The following ITGAE variants were observed in gnomAD, a reference collection of about 807,000 sequenced individuals.
ITGAE encodes the protein integrin subunit alpha E.
In ITGAE, 99 loss-of-function variants were observed where a neutral mutation model predicts 136.5. That is an observed-to-expected ratio of 0.73 (90% CI 0.62 to 0.86). The LOEUF (loss-of-function observed/expected upper bound fraction) is 0.86. Ranked by LOEUF, ITGAE falls within the 40% of genes least tolerant of loss-of-function variation. The probability of loss-of-function intolerance (pLI) is 0.00; values close to 1 mark genes in which losing one functional copy is unlikely to be tolerated. For missense variants in ITGAE, 1,447 were observed against 1,515.3 expected (o/e 0.95, Z 0.75); for synonymous variants, 613 against 591.8 (o/e 1.04, Z -0.52).
intron 23 of ITGAE, chr17:3,730,458 T>TAAAATAAAAAAATAAAA (rs1597308224): frequency 1.1e-5 from 1 of 94,538 alleles, no homozygotes; most frequent in African/African-American, 2.7e-5. Context: ...TCTCAAAAAA[T>TAAAATAAAAAAATAAAA]AAATAAATAA....
At chr17:3,784,092 C>CT (rs1481610503) in intron 1 of ITGAE, among the ~76,000 whole-genome samples, 1 of 152,016 alleles carries the variant, frequency 6.6e-6, no homozygotes, top group Non-Finnish European at 1.5e-5. Flanking sequence ...AACCCCGTCT[C>CT]TACTAAAAAT....
intron 1 of ITGAE, among the ~76,000 whole-genome samples, chr17:3,790,669 C>T (rs956323836): frequency 6.6e-6 from 1 of 152,112 alleles, no homozygotes; most frequent in African/African-American, 2.4e-5. Flanking sequence ...AGACAAATCA[C>T]ACCAAGAGGA....
At chr17:3,800,575 C>G (rs2053231540) in intron 1 of ITGAE, among the ~76,000 whole-genome samples, 1 of 152,294 alleles carries the variant, frequency 6.6e-6, no homozygotes, top group Non-Finnish European at 1.5e-5. Context: ...CTCCCCCCAC[C>G]CCACATTCCA....
intron 1 of ITGAE, among the ~76,000 whole-genome samples, chr17:3,784,784 G>C (rs1466665632): frequency 6.6e-6 from 1 of 152,176 alleles, no homozygotes; most frequent in Non-Finnish European, 1.5e-5. Context: ...TCAATGAATT[G>C]AAATAACTCA....
intron 1 of ITGAE, among the ~76,000 whole-genome samples, chr17:3,790,468 C>T (rs1447049415): frequency 1.3e-5 from 2 of 151,914 alleles, no homozygotes; most frequent in African/African-American, 2.4e-5. Flanking sequence ...GATCGCACCA[C>T]TGCACTCCAG....
chr17:3,741,278 G>A (rs1287248011), intron 19 of ITGAE, among the ~76,000 whole-genome samples: 1 of 150,264 alleles, frequency 6.7e-6, no homozygotes, highest in South Asian at 2.1e-4. Flanking sequence ...TAGTAGAGAC[G>A]GGGTTTCACT....
chr17:3,729,446 C>A, intron 24 of ITGAE, 32 bp downstream of exon 24: 1 of 1,417,404 alleles, frequency 7.1e-7, no homozygotes, highest in South Asian at 1.2e-5. Flanking sequence ...GCGATGGAGT[C>A]ACACCGCTGC....
At chr17:3,729,861 C>G (rs1384272803) in intron 23 of ITGAE, among the ~76,000 whole-genome samples, 1 of 152,186 alleles carries the variant, frequency 6.6e-6, no homozygotes, top group Non-Finnish European at 1.5e-5. Context: ...TCCCAAAGTG[C>G]TGGGATTACA....
chr17:3,723,900 G>A, intron 26 of ITGAE, 156 bp from the exon 27 acceptor site: 2 of 1,532,164 alleles, frequency 1.3e-6, no homozygotes, highest in Non-Finnish European at 1.8e-6. Context: ...GAAGTCTCGC[G>A]ATGTTTGCGT....
chr17:3,753,971 C>G (rs375030426), intron 12 of ITGAE, 46 bp from the exon 13 acceptor site: 2 of 1,592,274 alleles, frequency 1.3e-6, no homozygotes, highest in Non-Finnish European at 1.7e-6. Flanking sequence ...GTGCTCCCAC[C>G]TGGCCTCTCT....
Position 3,745,769 on chromosome 17 carries a change from C to T in ITGAE, c.2314G>A (p.Gly772Arg), listed in dbSNP as rs111682570. 15 of 1,613,940 alleles carry T rather than the reference C, an allele frequency of 9.3e-6. No individual in the cohort carries two copies. Among genetic ancestry groups the T allele is most frequent in the African/African-American group, 5.3e-5 (4 of 75,058 alleles). Residue 772 changes from glycine (G) to arginine (R), a missense_variant, in exon 18 of 31, where the codon GGA becomes AGA. Gly to Arg is a moderately radical substitution (Grantham distance 125, BLOSUM62 -2). Coordinates refer to ENST00000263087, the MANE Select transcript of ITGAE (RefSeq NM_002208.5). Reference protein sequence around the residue: ...CEDLLLMPTEGELCEEDCFSN... With the variant: ...CEDLLLMPTERELCEEDCFSN... ...ATCCAAACTCCGTCACTTACCTCTC[C>T]CTCTGTGGGCATGAGCAGGAGGTCC...
chr17:3,794,714 G>A (rs550780863), intron 1 of ITGAE, among the ~76,000 whole-genome samples: 8 of 152,268 alleles, frequency 5.3e-5, no homozygotes, highest in South Asian at 2.1e-4. Context: ...CCCACGTCAC[G>A]TTGAGCCCTG....
In ITGAE at chr17:3,763,864, C is replaced by T. The variant is rs200634058; in HGVS notation, c.247+5G>A. ...GAGCATTCCCTGGAGTTGGGGCTGACTTACCTACAGGATGGCAAAGGATTT... is the reference window on the plus strand; with the variant it reads ...GAGCATTCCCTGGAGTTGGGGCTGATTTACCTACAGGATGGCAAAGGATTT... On this transcript the variant is annotated splice_donor_5th_base_variant and intron_variant, in intron 3 of 30. Transcript: ENST00000263087. The T allele has an allele frequency of 4.3e-6, 7 of 1,612,308 alleles. No homozygotes were observed. The highest frequency in any genetic ancestry group is 5.1e-6 in the Non-Finnish European group (6 of 1,178,550).
intron 1 of ITGAE, among the ~76,000 whole-genome samples, chr17:3,783,226 T>C (rs1172876765): frequency 6.6e-6 from 1 of 152,208 alleles, no homozygotes; most frequent in Non-Finnish European, 1.5e-5. Context: ...CCGCAACCTC[T>C]GGCTCTTGGG....
chr17:3,737,660 C>T (rs1003145592), intron 20 of ITGAE, among the ~76,000 whole-genome samples: 1 of 152,146 alleles, frequency 6.6e-6, no homozygotes, highest in African/African-American at 2.4e-5. Context: ...ACAGCGTTGC[C>T]TAATCTGAGG....
chr17:3,724,364 C>G (rs1198228428), intron 26 of ITGAE: 1 of 1,603,192 alleles, frequency 6.2e-7, no homozygotes. Context: ...GCCGCGACTC[C>G]GGCCGCCTCA....
chr17:3,733,562 A>G (rs2051394421), intron 21 of ITGAE, among the ~76,000 whole-genome samples: 1 of 152,162 alleles, frequency 6.6e-6, no homozygotes, highest in African/African-American at 2.4e-5. Flanking sequence ...CTGGGATTAC[A>G]GGTGTACATC....
intron 2 of ITGAE, among the ~76,000 whole-genome samples, chr17:3,768,384 C>G (rs2052347364): frequency 6.6e-6 from 1 of 152,118 alleles, no homozygotes; most frequent in South Asian, 2.1e-4. Flanking sequence ...CTTGGCCTCC[C>G]AAACTGCTGG....
intron 1 of ITGAE, 47 bp from the exon 2 acceptor site, chr17:3,777,707 G>A (rs778026359): frequency 1.4e-5 from 22 of 1,561,366 alleles, no homozygotes; most frequent in East Asian, 1.1e-4. Context: ...TTTTACTCCC[G>A]TTATTCCAGC....
Sources: allele counts gnomAD v4.1 joint callset (sites outside exome capture counted in the v4.1 genomes callset), GRCh38; gene constraint gnomAD v4.1.1; transcripts MANE v1.5; gene names NCBI Gene and HGNC (gene_info 2026-07-23, HGNC 2026-07-21).